The following MLLT3 variants were observed in gnomAD, a reference collection of about 807,000 sequenced individuals.
MLLT3 encodes the protein protein AF-9.
MLLT3 carries 4 observed loss-of-function variants against 53.2 expected under a neutral mutation model. That is an observed-to-expected ratio of 0.08 (90% confidence interval 0.04 to 0.17). The LOEUF is 0.17. Ranked by LOEUF, MLLT3 falls within the 10% of genes least tolerant of loss-of-function variation. MLLT3 has a pLI of 1.00. For missense variants in MLLT3, 569 were observed against 684.0 expected, an observed-to-expected ratio of 0.83 and a Z score of 1.87; for synonymous variants, 283 against 230.6, an observed-to-expected ratio of 1.23 and a Z score of -2.06.
intron 2 of MLLT3, among the ~76,000 whole-genome samples, chr9:20,568,416 G>C (rs1217046788): frequency 1.3e-5 from 2 of 152,090 alleles, no homozygotes; most frequent in Admixed American, 1.3e-4. Context: ...AGGGATTATG[G>C]ATAATTTTAT....
chr9:20,565,104 G>A (rs1365666730), intron 2 of MLLT3, among the ~76,000 whole-genome samples: 1 of 151,442 alleles, frequency 6.6e-6, no homozygotes, highest in Non-Finnish European at 1.5e-5. Context: ...CATATATTAG[G>A]TAAAATCTCT....
At position 20,343,474 on chromosome 9, in the gene MLLT3, C is replaced by G. The variant is rs1361007184; in HGVS notation, c.*2969G>C. 8.9e-6 allele frequency: 2 copies of G among 225,432 alleles called. No homozygotes were observed. Among genetic ancestry groups the G allele is most frequent in the Non-Finnish European group, 8.8e-6 (1 of 113,260 alleles). 14.0% of individuals were successfully genotyped at this position (225,432 alleles called of 1,614,324 possible). On this transcript the variant is annotated 3_prime_UTR_variant, in exon 11 of 11. Coordinates refer to ENST00000380338, the MANE Select transcript of MLLT3 (RefSeq NM_004529.4). ...GATTATGCTGAGGATGGTGAAGTAA[C>G]TGCAAAATATTGTTGCTAACATGAC...
rs550292309 is a variant in MLLT3 at position 20,447,706 on chromosome 9, TA to T, written c.420+416del. Among the ~76,000 whole-genome samples the T allele has an allele frequency of 4.1e-3, 626 of 152,326 alleles. 4 individuals are homozygous for T. Among genetic ancestry groups the T allele is most frequent in the African/African-American group, 0.014 (602 of 41,582 alleles). On this transcript the variant is annotated intron_variant, in intron 4 of 10. Coordinates refer to ENST00000380338, the MANE Select transcript of MLLT3 (RefSeq NM_004529.4). ...GTAGTATGAGTGAAGATACCTTTTT[TA>T]ATAATTGTGATCAAGAAAATTTGGA...
At chr9:20,459,758 C>T (rs544120957) in intron 2 of MLLT3, among the ~76,000 whole-genome samples, 4 of 152,158 alleles carry the variant, frequency 2.6e-5, no homozygotes, top group East Asian at 1.9e-4. Context: ...TGACTTGCTA[C>T]GTACTAATAT....
chr9:20,621,321 C>T lies in MLLT3; in HGVS notation c.13-487G>A, dbSNP rs929673274. Among the ~76,000 whole-genome samples the T allele has an allele frequency of 3.3e-5, 5 of 152,116 alleles. No individual in the cohort carries two copies. Among genetic ancestry groups the T allele is most frequent in the African/African-American group, 1.2e-4 (5 of 41,436 alleles). ...GGAAGTCTTTGTGTACGTGTGTGTGCGTGCGTGTGGAGCGCTGTGCCAGGC... is the reference window on the plus strand; with the variant it reads ...GGAAGTCTTTGTGTACGTGTGTGTGTGTGCGTGTGGAGCGCTGTGCCAGGC... On this transcript the variant is annotated intron_variant, in intron 1 of 10. Transcript: ENST00000380338. The surrounding 1 kb of genome is among the most constrained non-coding windows in gnomAD (Gnocchi z 7.0).
At chr9:20,480,967 T>C (rs896362099) in intron 2 of MLLT3, among the ~76,000 whole-genome samples, 2 of 152,198 alleles carry the variant, frequency 1.3e-5, no homozygotes, top group Non-Finnish European at 2.9e-5. Context: ...AGAACTATAA[T>C]TTTAAAAGTA....
rs377202107 is a variant in MLLT3, at chr9:20,474,048, C to A, written c.194-17262G>T. Among the ~76,000 whole-genome samples, 234 of 152,208 alleles carry A rather than the reference C, an allele frequency of 1.5e-3. 2 individuals carry two copies. The South Asian group carries it at 0.017, about 11-fold the overall frequency. On this transcript the variant is annotated intron_variant, in intron 2 of 10. Coordinates refer to ENST00000380338, the MANE Select transcript of MLLT3 (RefSeq NM_004529.4). ...ATAATATAACCAGCCTCTCGATACT[C>A]AGGACACTGACCTTGCTGCAGCTGC...
intron 8 of MLLT3, among the ~76,000 whole-genome samples, chr9:20,357,831 G>A (rs1375303061): frequency 6.6e-6 from 1 of 152,262 alleles, no homozygotes; most frequent in South Asian, 2.1e-4. Context: ...AACAGGCAAG[G>A]AGTATGGAAG....
At chr9:20,476,477 A>G (rs1406409248) in intron 2 of MLLT3, among the ~76,000 whole-genome samples, 2 of 152,162 alleles carry the variant, frequency 1.3e-5, no homozygotes, top group Non-Finnish European at 2.9e-5. Context: ...TTTAAGTTAT[A>G]TCAGTCACTT....
At position 20,370,847 on chromosome 9, in the gene MLLT3, G is replaced by A. The variant is rs1255717240; in HGVS notation, c.1126-5103C>T. Among the ~76,000 whole-genome samples, 8 of 152,096 alleles carry A rather than the reference G, an allele frequency of 5.3e-5. 1 individual carries two copies. Among genetic ancestry groups the A allele is most frequent in the Admixed American group, 5.2e-4 (8 of 15,258 alleles). On this transcript the variant is annotated intron_variant, in intron 5 of 10. Coordinates refer to ENST00000380338, the MANE Select transcript of MLLT3 (RefSeq NM_004529.4). ...TTTAAATCAAAGCTATAAATGATTAGGCTTAGTGAGAAAGGCATGTCAAGA... is the reference window on the plus strand; with the variant it reads ...TTTAAATCAAAGCTATAAATGATTAAGCTTAGTGAGAAAGGCATGTCAAGA...
chr9:20,541,349 T>C (rs1818625154), intron 2 of MLLT3, among the ~76,000 whole-genome samples: 1 of 152,180 alleles, frequency 6.6e-6, no homozygotes, highest in Admixed American at 6.5e-5. Context: ...ACACTACCAG[T>C]ACCAATTTTC....
Position 20,620,485 on chromosome 9 carries a change from G to C in MLLT3, c.193+169C>G, listed in dbSNP as rs1334706861. ...CACCAAGCCGAAGTGGCGCGCGCGC[G>C]GGCAGGCGGGAGCCGGGACCTGGCC... is the stretch of plus-strand genomic sequence containing the variant. On this transcript the variant is annotated intron_variant, in intron 2 of 10. Transcript: ENST00000380338. The surrounding 1 kb of genome is among the most constrained non-coding windows in gnomAD (Gnocchi z 6.1). 6.6e-6 allele frequency among the ~76,000 whole-genome samples: 1 copy of C among 150,982 alleles called. No individual in the cohort carries two copies. Among genetic ancestry groups the C allele is most frequent in the Admixed American group, 6.6e-5 (1 of 15,164 alleles).
chr9:20,504,531 G>A (rs1174664284), intron 2 of MLLT3, among the ~76,000 whole-genome samples: 1 of 152,130 alleles, frequency 6.6e-6, no homozygotes, highest in Non-Finnish European at 1.5e-5. Context: ...ATGTGTATGT[G>A]TAATCTAAAA....
chr9:20,370,174 C>T (rs866298590), intron 5 of MLLT3, among the ~76,000 whole-genome samples: 1 of 152,272 alleles, frequency 6.6e-6, no homozygotes, highest in East Asian at 1.9e-4. Flanking sequence ...GCCATTTTTC[C>T]AACAATTTGT....
intron 2 of MLLT3, among the ~76,000 whole-genome samples, chr9:20,611,346 C>G (rs1425238330): frequency 6.6e-6 from 1 of 152,092 alleles, no homozygotes; most frequent in Non-Finnish European, 1.5e-5. Context: ...CCTCCCTACT[C>G]TCCAAGCCAC....
intron 2 of MLLT3, among the ~76,000 whole-genome samples, chr9:20,478,167 G>A (rs1317326293): frequency 6.6e-6 from 1 of 151,922 alleles, no homozygotes; most frequent in Non-Finnish European, 1.5e-5. Context: ...ATTCTCGGTG[G>A]ACTGGCAGTG....
intron 2 of MLLT3, among the ~76,000 whole-genome samples, chr9:20,485,291 TTA>T (rs1301851230): frequency 6.6e-6 from 1 of 152,180 alleles, no homozygotes; most frequent in African/African-American, 2.4e-5. Flanking sequence ...GCCCGGCCAA[TTA>T]TATTTCTTCA....
In MLLT3 at chr9:20,621,698, G is replaced by T; in HGVS notation, c.12+547C>A. 7.0e-7 allele frequency: 1 copy of T among 1,429,740 alleles called. No individual in the cohort carries two copies. Among genetic ancestry groups the T allele is most frequent in the Non-Finnish European group, 9.3e-7 (1 of 1,077,098 alleles). 88.6% of individuals were successfully genotyped at this position (1,429,740 alleles called of 1,614,324 possible). A position where few individuals can be genotyped will look rare whatever the true frequency, so the allele number is the denominator to read the frequency against. ...GCGCTCAGCACCTCCCGGCGCTGGG[G>T]CAAAGTTGCGTGCGGCCCCGCCGCT... On this transcript the variant is annotated intron_variant, in intron 1 of 10. Transcript: ENST00000380338. This position sits in a 1 kb window ranked among gnomAD's most constrained non-coding sequence, Gnocchi z 7.0.
intron 2 of MLLT3, among the ~76,000 whole-genome samples, chr9:20,485,725 T>C (rs1346200960): frequency 1.6e-5 from 2 of 125,856 alleles, no homozygotes; most frequent in African/African-American, 3.1e-5. Context: ...TAAAAGAATA[T>C]ACACATACAC....
Sources: allele counts gnomAD v4.1 joint callset (sites outside exome capture counted in the v4.1 genomes callset), GRCh38; gene constraint gnomAD v4.1.1; non-coding constraint Gnocchi (gnomAD v3.1); transcripts MANE v1.5; gene names NCBI Gene and HGNC (gene_info 2026-07-23, HGNC 2026-07-21).